ARHGEF12: variants seen among roughly 807,000 people sequenced by gnomAD.
The protein encoded by ARHGEF12 is KMT2A/ARHGEF12 fusion protein.
In ARHGEF12, 66 loss-of-function variants were observed where a neutral mutation model predicts 211.2. The ratio of observed to expected loss-of-function variants is 0.31; its 90% confidence interval spans 0.26 to 0.38. The LOEUF (loss-of-function observed/expected upper bound fraction) is 0.38, where lower values mean the gene tolerates loss of function less well. Ranked by LOEUF, ARHGEF12 falls within the 10% of genes least tolerant of loss-of-function variation. The pLI is 1.00. For missense variants in ARHGEF12, 1,429 were observed against 1,869.5 expected, an observed-to-expected ratio of 0.76 and a Z score of 4.34; for synonymous variants, 592 against 638.4, an observed-to-expected ratio of 0.93 and a Z score of 1.09.
chr11:120,444,413 C>T (rs576273894), intron 15 of ARHGEF12, among the ~76,000 whole-genome samples: 2 of 152,238 alleles, frequency 1.3e-5, no homozygotes, highest in East Asian at 1.9e-4. Flanking sequence ...ACATTTATTT[C>T]ATATATACAC....
At chr11:120,346,573 A>G (rs1942727929) in intron 1 of ARHGEF12, among the ~76,000 whole-genome samples, 1 of 152,252 alleles carries the variant, frequency 6.6e-6, no homozygotes, top group Non-Finnish European at 1.5e-5. Flanking sequence ...GCATGATAAC[A>G]GATAAGGCTG....
intron 11 of ARHGEF12, among the ~76,000 whole-genome samples, chr11:120,435,512 C>CTTTTTTTT (rs61516865): frequency 3.8e-5 from 4 of 106,274 alleles, no homozygotes; most frequent in Admixed American, 1.0e-4. Context: ...CCCTGTCAAG[C>CTTTTTTTT]TTTTTTTTTT....
intron 20 of ARHGEF12, 140 bp downstream of exon 20, chr11:120,448,488 G>C: frequency 1.6e-6 from 1 of 636,750 alleles, no homozygotes; most frequent in South Asian, 2.1e-5. Context: ...TACTGTCTCT[G>C]TTCTCAAGAA....
chr11:120,339,284 T>G (rs757888840), intron 1 of ARHGEF12, among the ~76,000 whole-genome samples: 1 of 152,164 alleles, frequency 6.6e-6, no homozygotes, highest in Non-Finnish European at 1.5e-5. Flanking sequence ...TTTGTAAATA[T>G]AAAGCATCCA....
At chr11:120,366,208 A>G (rs1462759090) in intron 1 of ARHGEF12, among the ~76,000 whole-genome samples, 1 of 152,194 alleles carries the variant, frequency 6.6e-6, no homozygotes, top group Non-Finnish European at 1.5e-5. Flanking sequence ...GTAAGCCATG[A>G]TTGTGCTATT....
At chr11:120,364,303 C>T (rs189473061) in intron 1 of ARHGEF12, among the ~76,000 whole-genome samples, 9 of 152,258 alleles carry the variant, frequency 5.9e-5, no homozygotes, top group East Asian at 1.9e-4. Context: ...GCAATTTAAA[C>T]GATCTACTGC....
At chr11:120,357,960 A>G (rs1943173350) in intron 1 of ARHGEF12, among the ~76,000 whole-genome samples, 1 of 152,204 alleles carries the variant, frequency 6.6e-6, no homozygotes, top group Non-Finnish European at 1.5e-5. Flanking sequence ...ATGGAGGTTG[A>G]TGATGGATGG....
At chr11:120,439,837 A>C (rs896141079) in intron 12 of ARHGEF12, 2 of 264,592 alleles carry the variant, frequency 7.6e-6, no homozygotes, top group Non-Finnish European at 1.4e-5. Context: ...AGAAAGTGTT[A>C]AAGTCAGATA....
rs1947467597 is a variant in ARHGEF12, at chr11:120,488,915, AGCTGATAAG to A, written c.*3843_*3851del. 4.6e-6 allele frequency: 1 copy of A among 217,122 alleles called. No homozygotes were observed. Among genetic ancestry groups the A allele is most frequent in the African/African-American group, 2.2e-5 (1 of 44,464 alleles). The allele number at this position is 217,122 out of a possible 1,614,324, so 13.4% of individuals were successfully genotyped here. On this transcript the variant is annotated 3_prime_UTR_variant, in exon 41 of 41. Transcript: ENST00000397843. ...TTGTAAAATAGCTCTTTTATGAATT[AGCTGATAAG>A]GCTGTATGTTTCTGGAACAAAATAT... is the stretch of plus-strand genomic sequence containing the variant.
chr11:120,474,602 T>C lies in ARHGEF12; in HGVS notation c.3076T>C (p.Leu1026=). ...AAGGAAGATGATTCATGAAGGGCCA[T>C]TGGTTTGGAAGGTGAATAGAGATAA... ...TKRKMIHEGP[L]VWKVNRDKTI... is the part of the protein sequence containing the mutation. The change falls in exon 32 of 41, where the codon TTG becomes CTG. Residue 1026 remains leucine, a synonymous_variant. Coordinates refer to ENST00000397843, the MANE Select transcript of ARHGEF12 (RefSeq NM_015313.3). 6.2e-7 allele frequency: 1 copy of C among 1,612,066 alleles called. No homozygotes were observed. The highest frequency in any genetic ancestry group is 1.1e-5 in the South Asian group (1 of 90,516).
chr11:120,347,183 C>CCTTTCTTTCTTTCTTTCTCTTT (rs1942779898), intron 1 of ARHGEF12, among the ~76,000 whole-genome samples: 3 of 100,322 alleles, frequency 3.0e-5, no homozygotes, highest in Middle Eastern at 0.011. Context: ...TTCCTTCCTT[C>CCTTTCTTTCTTTCTTTCTCTTT]CTTTCTTTCT....
intron 1 of ARHGEF12, chr11:120,365,540 G>A (rs1013170371): frequency 6.6e-6 from 1 of 152,136 alleles, no homozygotes; most frequent in Admixed American, 6.5e-5. Flanking sequence ...ATTCTTATTT[G>A]GGGAATGTTT....
At chr11:120,431,691 C>T (rs1309939171) in intron 10 of ARHGEF12, 80 bp from the exon 11 acceptor site, 5 of 1,397,050 alleles carry the variant, frequency 3.6e-6, no homozygotes, top group Non-Finnish European at 4.7e-6. Flanking sequence ...ATTGTAGTAC[C>T]ACTATTTCTT....
chr11:120,379,640 G>T (rs1943824375), intron 1 of ARHGEF12, among the ~76,000 whole-genome samples: 1 of 151,732 alleles, frequency 6.6e-6, no homozygotes, highest in African/African-American at 2.4e-5. Context: ...CTGTTTAGAT[G>T]ATCATATGGC....
intron 1 of ARHGEF12, among the ~76,000 whole-genome samples, chr11:120,362,869 G>A (rs1943314924): frequency 6.6e-6 from 1 of 152,154 alleles, no homozygotes; most frequent in Non-Finnish European, 1.5e-5. Flanking sequence ...GGGAGGCCGA[G>A]GCGGGCGGAT....
chr11:120,477,516 G>A lies in ARHGEF12; in HGVS notation c.3522G>A (p.Leu1174=), dbSNP rs1046663120. 9.3e-6 allele frequency: 15 copies of A among 1,610,090 alleles called. No individual in the cohort carries two copies. The highest frequency in any genetic ancestry group is 2.7e-5 in the African/African-American group (2 of 74,358). The change falls in exon 36 of 41, where the codon TTG becomes TTA. Residue 1174 remains leucine, a synonymous_variant. Coordinates refer to ENST00000397843, the MANE Select transcript of ARHGEF12 (RefSeq NM_015313.3). ...EEQHGISVTG[L]QSPDRDLGLE... ...AGCATGGCATTTCAGTCACTGGTTT[G>A]CAGAGTCCAGGTACACTCTTCTGAA...
intron 1 of ARHGEF12, among the ~76,000 whole-genome samples, chr11:120,374,463 A>G (rs367584207): frequency 6.6e-6 from 1 of 152,226 alleles, no homozygotes; most frequent in Non-Finnish European, 1.5e-5. Flanking sequence ...GTGTGTGAAC[A>G]TTACGACATT....
At chr11:120,366,922 A>G (rs1286078203) in intron 1 of ARHGEF12, among the ~76,000 whole-genome samples, 4 of 152,134 alleles carry the variant, frequency 2.6e-5, no homozygotes, top group South Asian at 4.2e-4. Context: ...AGGCTGAGGC[A>G]GGAGAATTGC....
intron 27 of ARHGEF12, 35 bp from the exon 28 acceptor site, chr11:120,465,202 C>T (rs1426826049): frequency 6.2e-7 from 1 of 1,611,624 alleles, no homozygotes; most frequent in Non-Finnish European, 8.5e-7. Context: ...CTCAGTTTCC[C>T]ATTCTCTTTT....
Sources: gnomAD v4.1 joint callset for allele counts (sites outside exome capture counted in the v4.1 genomes callset) on GRCh38, gnomAD v4.1.1 for gene constraint, MANE v1.5 for transcripts, NCBI Gene and HGNC (gene_info 2026-07-23, HGNC 2026-07-21) for gene names.